MAP2: variants seen among roughly 807,000 people sequenced by gnomAD.
MAP2 encodes the protein microtubule associated protein 2.
Under a neutral mutation model 137.6 loss-of-function variants are expected in MAP2, and 14 were observed. The ratio of observed to expected loss-of-function variants is 0.10; its 90% CI spans 0.07 to 0.16. MAP2 has a LOEUF of 0.16. Among genes scored for constraint, MAP2 ranks in the 10% least tolerant of loss-of-function variants. The pLI is 1.00. For missense variants in MAP2, 2,088 were observed against 2,191.5 expected, an observed-to-expected ratio of 0.95 and a Z score of 0.94; for synonymous variants, 786 against 782.3, an observed-to-expected ratio of 1.00 and a Z score of -0.08.
intron 4 of MAP2, among the ~76,000 whole-genome samples, chr2:209,645,666 A>G (rs533094867): frequency 2.0e-5 from 3 of 152,332 alleles, no homozygotes; most frequent in Non-Finnish European, 2.9e-5. Flanking sequence ...TGTAAGAACT[A>G]TGCTCAAACT....
intron 13 of MAP2, among the ~76,000 whole-genome samples, chr2:209,712,006 T>C (rs2065661816): frequency 6.6e-6 from 1 of 152,084 alleles, no homozygotes; most frequent in Non-Finnish European, 1.5e-5. Context: ...GTATTAAAAC[T>C]AACAAAAGTA....
intron 1 of MAP2, among the ~76,000 whole-genome samples, chr2:209,472,939 A>T (rs1706154886): frequency 6.6e-6 from 1 of 152,068 alleles, no homozygotes; most frequent in East Asian, 1.9e-4. Flanking sequence ...ATGTATAGGG[A>T]TTTCTGATTA....
intron 4 of MAP2, among the ~76,000 whole-genome samples, chr2:209,645,885 A>G (rs1024919540): frequency 3.9e-5 from 6 of 152,224 alleles, no homozygotes; most frequent in Non-Finnish European, 7.3e-5. Flanking sequence ...TAGTCTAATT[A>G]TCAGAAATAT....
At chr2:209,680,684 C>T in intron 6 of MAP2, 66 bp from the exon 7 acceptor site, 1 of 1,359,900 alleles carries the variant, frequency 7.4e-7, no homozygotes, top group South Asian at 1.2e-5. Context: ...GGCAGAACTT[C>T]CTACACATCT....
chr2:209,505,008 AT>A (rs1324816403), intron 1 of MAP2, among the ~76,000 whole-genome samples: 1 of 151,406 alleles, frequency 6.6e-6, no homozygotes, highest in Non-Finnish European at 1.5e-5. Context: ...CTCTCCTAGC[AT>A]TTTTTCTTCA....
At position 209,424,254 on chromosome 2, in the gene MAP2, G is replaced by C. The variant is rs1461643694; in HGVS notation, c.-244G>C. 6.6e-6 allele frequency: 1 copy of C among 152,404 alleles called. No individual in the cohort carries two copies. The highest frequency in any genetic ancestry group is 1.5e-5 in the Non-Finnish European group (1 of 68,268). The allele number at this position is 152,404 out of a possible 1,614,324, so 9.4% of individuals were successfully genotyped here. On this transcript the variant is annotated 5_prime_UTR_variant, in exon 1 of 16. Transcript: ENST00000682079. Reference sequence around the variant, plus strand: ...TGAGCGGTGGCAGTCGCGACCGCGGGTGCATCCAGTTTCTGCGCCCAGGTA... The same window carrying C: ...TGAGCGGTGGCAGTCGCGACCGCGGCTGCATCCAGTTTCTGCGCCCAGGTA...
intron 2 of MAP2, among the ~76,000 whole-genome samples, chr2:209,530,565 T>C (rs2064962635): frequency 6.6e-6 from 1 of 152,220 alleles, no homozygotes; most frequent in South Asian, 2.1e-4. Flanking sequence ...GCAGATTATT[T>C]AATTTGAGAT....
intron 1 of MAP2, among the ~76,000 whole-genome samples, chr2:209,458,795 G>A (rs1702114960): frequency 6.6e-6 from 1 of 152,152 alleles, no homozygotes; most frequent in Admixed American, 6.6e-5. Context: ...CCACCTGCCT[G>A]AGAAGCAGTG....
intron 2 of MAP2, among the ~76,000 whole-genome samples, chr2:209,534,148 G>A (rs763588533): frequency 1.3e-5 from 2 of 152,194 alleles, no homozygotes; most frequent in Non-Finnish European, 2.9e-5. Context: ...TAATTGATGT[G>A]AGACCTTTTG....
intron 2 of MAP2, among the ~76,000 whole-genome samples, chr2:209,534,986 A>AG (rs397697830): frequency 0.05 from 3 of 60 alleles, no homozygotes; most frequent in African/African-American, 0.12. Flanking sequence ...AGATATGTGC[A>AG]CCATTGCCAC....
At chr2:209,600,078 A>G (rs1215613401) in intron 3 of MAP2, among the ~76,000 whole-genome samples, 2 of 152,232 alleles carry the variant, frequency 1.3e-5, no homozygotes, top group Non-Finnish European at 2.9e-5. Context: ...ATCATTAAAC[A>G]AAAGCTAAGA....
In MAP2 at chr2:209,596,119, G is replaced by GA. The variant is rs201713058; in HGVS notation, c.-107+16027dup. 6.6e-5 allele frequency among the ~76,000 whole-genome samples: 10 copies of GA among 151,070 alleles called. 1 individual carries two copies. The South Asian group carries it at 1.7e-3, about 25-fold the overall frequency. Reference sequence around the variant, plus strand: ...TAAAGTATAATTTTAAAAAGAGAAAGAAAAAAAAGAAAATAAAAATAACAG... The same window carrying GA: ...TAAAGTATAATTTTAAAAAGAGAAAGAAAAAAAAAGAAAATAAAAATAACAG... On this transcript the variant is annotated intron_variant, in intron 3 of 15. Transcript: ENST00000682079.
intron 12 of MAP2, among the ~76,000 whole-genome samples, chr2:209,709,599 T>G (rs1002632885): frequency 6.6e-5 from 10 of 152,142 alleles, no homozygotes; most frequent in African/African-American, 2.4e-4. Flanking sequence ...GGCAGATCCA[T>G]TTGCCTTAAT....
intron 3 of MAP2, among the ~76,000 whole-genome samples, chr2:209,606,295 C>T (rs914223166): frequency 2.6e-5 from 4 of 152,094 alleles, no homozygotes; most frequent in African/African-American, 9.7e-5. Flanking sequence ...AAAAGAAAAA[C>T]TTCCAGGTGA....
chr2:209,464,648 A>G lies in MAP2; in HGVS notation c.-222+40372A>G, dbSNP rs541040332. Among the ~76,000 whole-genome samples, 4 of 152,246 alleles carry G rather than the reference A, an allele frequency of 2.6e-5. No homozygotes were observed. In the East Asian group the frequency reaches 7.7e-4, roughly 29 times the overall value. Reference sequence around the variant, plus strand: ...ATTCATTAATTATACTGTATTTATCAGTAACACATTAATAATAAAATTGCT... The same window carrying G: ...ATTCATTAATTATACTGTATTTATCGGTAACACATTAATAATAAAATTGCT... On this transcript the variant is annotated intron_variant, in intron 1 of 15. Coordinates refer to ENST00000682079, the MANE Select transcript of MAP2 (RefSeq NM_001375505.1).
At chr2:209,567,324 T>G (rs2153365421) in intron 2 of MAP2, among the ~76,000 whole-genome samples, 1 of 152,278 alleles carries the variant, frequency 6.6e-6, no homozygotes, top group South Asian at 2.1e-4. Flanking sequence ...GATGAAAGTT[T>G]ATTTAAATGA....
chr2:209,618,572 T>C (rs1176546025), intron 3 of MAP2, among the ~76,000 whole-genome samples: 1 of 152,168 alleles, frequency 6.6e-6, no homozygotes, highest in African/African-American at 2.4e-5. Context: ...ATTAATTTAT[T>C]CTACCATTTT....
intron 1 of MAP2, among the ~76,000 whole-genome samples, chr2:209,480,537 A>AGTTTGTTT (rs71043928): frequency 0.33 from 49,967 of 150,512 alleles, 9,391 homozygotes; most frequent in Non-Finnish European, 0.41. Context: ...GATGATCTAA[A>AGTTTGTTT]GTTTGTTTGT....
At chr2:209,574,066 A>G (rs572577225) in intron 2 of MAP2, among the ~76,000 whole-genome samples, 1 of 152,256 alleles carries the variant, frequency 6.6e-6, no homozygotes, top group African/African-American at 2.4e-5. Context: ...TTTATGGGGT[A>G]CCATGTGATG....
Sources: gnomAD v4.1 joint callset for allele counts (sites outside exome capture counted in the v4.1 genomes callset) on GRCh38, gnomAD v4.1.1 for gene constraint, MANE v1.5 for transcripts, NCBI Gene and HGNC (gene_info 2026-07-23, HGNC 2026-07-21) for gene names.